The following PDE7B variants were observed in gnomAD, a reference collection of about 807,000 sequenced individuals.
PDE7B encodes the protein 3',5'-cyclic-AMP phosphodiesterase 7B.
In PDE7B, 29 loss-of-function variants were observed where a neutral mutation model predicts 56.2. That is an observed-to-expected ratio of 0.52 (90% CI 0.38 to 0.70). The LOEUF (loss-of-function observed/expected upper bound fraction) is 0.70. Among genes scored for constraint, PDE7B ranks in the 30% least tolerant of loss-of-function variants. The probability of loss-of-function intolerance (pLI) is 0.00; values close to 1 mark genes in which losing one functional copy is unlikely to be tolerated. For synonymous variants in PDE7B, 197 were observed against 196.9 expected (o/e 1.00, Z 0.00); for missense variants, 490 against 565.0 (o/e 0.87, Z 1.35).
At chr6:136,133,220 CTT>C (rs1778148594) in intron 3 of PDE7B, among the ~76,000 whole-genome samples, 1 of 150,442 alleles carries the variant, frequency 6.6e-6, no homozygotes, top group African/African-American at 2.4e-5. Context: ...TACCCTAAAA[CTT>C]AAAGTATAAT....
chr6:136,010,349 G>T (rs961517904), intron 2 of PDE7B, among the ~76,000 whole-genome samples: 2 of 151,686 alleles, frequency 1.3e-5, no homozygotes, highest in African/African-American at 2.4e-5. Flanking sequence ...AACCTGCAGG[G>T]GGTATGGCTA....
intron 2 of PDE7B, among the ~76,000 whole-genome samples, chr6:136,030,802 A>C (rs952673743): frequency 1.3e-5 from 2 of 152,240 alleles, no homozygotes; most frequent in Non-Finnish European, 2.9e-5. Context: ...GGGGTGCAAC[A>C]AAATGCTGGA....
intron 1 of PDE7B, among the ~76,000 whole-genome samples, chr6:135,903,601 G>A (rs978714028): frequency 6.6e-5 from 10 of 152,170 alleles, no homozygotes; most frequent in Admixed American, 2.6e-4. Flanking sequence ...TGCCCAAACT[G>A]TGCTGGAAGG....
chr6:135,940,465 G>A (rs543101098), intron 1 of PDE7B, among the ~76,000 whole-genome samples: 6 of 152,222 alleles, frequency 3.9e-5, no homozygotes, highest in African/African-American at 1.2e-4. Flanking sequence ...ACTCAGTAAT[G>A]TCTTGCTGAC....
intron 2 of PDE7B, among the ~76,000 whole-genome samples, chr6:135,949,741 T>A (rs756767174): frequency 1.3e-5 from 2 of 152,122 alleles, no homozygotes; most frequent in Non-Finnish European, 2.9e-5. Flanking sequence ...TTTTTCGTAA[T>A]TCAGAACTAA....
chr6:136,108,877 C>G, intron 3 of PDE7B, 63 bp downstream of exon 3: 1 of 1,033,356 alleles, frequency 9.7e-7, no homozygotes, highest in South Asian at 1.3e-5. Context: ...AAAAAAAATC[C>G]TCATTTCCCT....
At chr6:135,932,058 A>G (rs2128197131) in intron 1 of PDE7B, among the ~76,000 whole-genome samples, 1 of 152,242 alleles carries the variant, frequency 6.6e-6, no homozygotes, top group Admixed American at 6.5e-5. Context: ...TCAGGCCCTA[A>G]GGACCTCGTG....
intron 1 of PDE7B, among the ~76,000 whole-genome samples, chr6:135,930,430 G>T (rs1774274068): frequency 6.6e-6 from 1 of 152,182 alleles, no homozygotes; most frequent in African/African-American, 2.4e-5. Context: ...TCAGGCAGTA[G>T]TAGATCACTC....
At chr6:136,190,071 A>T (rs1484443427) in intron 12 of PDE7B, among the ~76,000 whole-genome samples, 2 of 152,192 alleles carry the variant, frequency 1.3e-5, no homozygotes, top group African/African-American at 4.8e-5. Context: ...TCACACTTTG[A>T]ACTTCAGAAT....
chr6:136,040,695 G>GCTCTCTCT (rs963211757), intron 2 of PDE7B, among the ~76,000 whole-genome samples: 1 of 151,732 alleles, frequency 6.6e-6, no homozygotes, highest in African/African-American at 2.4e-5. Flanking sequence ...GTGCTCCCTC[G>GCTCTCTCT]CTCTCTCTCT....
intron 2 of PDE7B, among the ~76,000 whole-genome samples, chr6:136,040,439 T>C (rs1174475051): frequency 1.3e-5 from 2 of 152,206 alleles, no homozygotes; most frequent in African/African-American, 2.4e-5. Context: ...CCAAACTGTC[T>C]CTTACCTTCT....
At chr6:135,930,913 A>G (rs1224661405) in intron 1 of PDE7B, among the ~76,000 whole-genome samples, 1 of 152,210 alleles carries the variant, frequency 6.6e-6, no homozygotes, top group African/African-American at 2.4e-5. Context: ...ATCTTTTGCC[A>G]GAGCCCTTTG....
chr6:135,923,216 C>A (rs1774122084), intron 1 of PDE7B, among the ~76,000 whole-genome samples: 1 of 152,184 alleles, frequency 6.6e-6, no homozygotes, highest in Non-Finnish European at 1.5e-5. Context: ...GAAAAAGGCT[C>A]ATACAATTCC....
At chr6:136,072,501 T>C (rs957876639) in intron 2 of PDE7B, 1 of 152,236 alleles carries the variant, frequency 6.6e-6, no homozygotes, top group African/African-American at 2.4e-5. Flanking sequence ...TGTTTATTTT[T>C]CTATTGATCT....
chr6:135,883,890 C>G (rs1412875614), intron 1 of PDE7B, among the ~76,000 whole-genome samples: 2 of 152,196 alleles, frequency 1.3e-5, no homozygotes, highest in African/African-American at 4.8e-5. Flanking sequence ...TCAGGTTCTG[C>G]CCAGCCTTGC....
At chr6:135,919,298 A>G (rs1468595035) in intron 1 of PDE7B, among the ~76,000 whole-genome samples, 1 of 152,224 alleles carries the variant, frequency 6.6e-6, no homozygotes, top group African/African-American at 2.4e-5. Flanking sequence ...TTGACCTAAC[A>G]AGAGGCCTTT....
intron 1 of PDE7B, among the ~76,000 whole-genome samples, chr6:135,878,531 T>C (rs9483886): frequency 2.0e-5 from 3 of 152,242 alleles, no homozygotes; most frequent in East Asian, 3.9e-4. Context: ...CAGATGTCGC[T>C]ATTACAAAGA....
chr6:136,018,631 A>G (rs928336874), intron 2 of PDE7B, among the ~76,000 whole-genome samples: 1 of 152,224 alleles, frequency 6.6e-6, no homozygotes, highest in Non-Finnish European at 1.5e-5. Flanking sequence ...TCAAAACAAA[A>G]TAATACAAAC....
At chr6:136,099,474 G>A (rs976591769) in intron 2 of PDE7B, among the ~76,000 whole-genome samples, 133 of 152,286 alleles carry the variant, frequency 8.7e-4, no homozygotes, top group African/African-American at 3.0e-3. Flanking sequence ...CATTCTAACT[G>A]GCATGAGATG....
Sources: gnomAD v4.1 joint callset for allele counts (sites outside exome capture counted in the v4.1 genomes callset) on GRCh38, gnomAD v4.1.1 for gene constraint, MANE v1.5 for transcripts, NCBI Gene and HGNC (gene_info 2026-07-23, HGNC 2026-07-21) for gene names.